DYM: variants seen among roughly 807,000 people sequenced by gnomAD.
DYM encodes the protein dyggve-Melchior-Clausen syndrome protein.
A neutral mutation model predicts 93.1 loss-of-function variants in DYM; 78 were observed. The ratio of observed to expected loss-of-function variants is 0.84; its 90% confidence interval spans 0.70 to 1.01. The LOEUF (loss-of-function observed/expected upper bound fraction) is 1.01, where lower values mean the gene tolerates loss of function less well. Ranked by LOEUF, DYM falls within the 50% of genes least tolerant of loss-of-function variation. The probability of loss-of-function intolerance (pLI) is 0.00; values close to 1 mark genes in which losing one functional copy is unlikely to be tolerated. For missense variants in DYM, 789 were observed against 845.0 expected (o/e 0.93, Z 0.82); for synonymous variants, 321 against 319.7 (o/e 1.00, Z -0.04).
intron 13 of DYM, among the ~76,000 whole-genome samples, chr18:49,238,190 T>C (rs545914018): frequency 1.3e-5 from 2 of 152,242 alleles, no homozygotes; most frequent in South Asian, 2.1e-4. Flanking sequence ...ACCTGGAAAA[T>C]GGATTTTTCT....
chr18:49,079,862 C>T (rs572976324), intron 17 of DYM, among the ~76,000 whole-genome samples: 4 of 151,564 alleles, frequency 2.6e-5, no homozygotes, highest in Admixed American at 2.6e-4. Context: ...CCTTCCCCCC[C>T]TTTCTATTCC....
In DYM at chr18:49,043,720, T is replaced by C; in HGVS notation, c.*335A>G. The C allele has an allele frequency of 2.8e-6, 1 of 355,098 alleles. No homozygotes were observed. The highest frequency in any genetic ancestry group is 2.1e-5 in the African/African-American group (1 of 47,860). 22.0% of individuals were successfully genotyped at this position (355,098 alleles called of 1,614,324 possible). On this transcript the variant is annotated 3_prime_UTR_variant, in exon 18 of 18. Transcript: ENST00000675505. ...GAATAGTGTGCACTGTTGGATAGTGTGCACTGTTGAAGTGTGATGTGCCTA... is the reference window on the plus strand; with the variant it reads ...GAATAGTGTGCACTGTTGGATAGTGCGCACTGTTGAAGTGTGATGTGCCTA...
In DYM at chr18:49,457,618, A is replaced by G. The variant is rs2083105138; in HGVS notation, c.-54+2780T>C. Reference sequence around the variant, plus strand: ...TGTACAGCAGCAAAAGAAATCACCTACTTTCTTAAGTCTCGGCAAAATATT... The same window carrying G: ...TGTACAGCAGCAAAAGAAATCACCTGCTTTCTTAAGTCTCGGCAAAATATT... On this transcript the variant is annotated intron_variant, in intron 1 of 17. Transcript: ENST00000675505. Among the ~76,000 whole-genome samples the G allele has an allele frequency of 3.3e-5, 5 of 152,326 alleles. No homozygotes were observed. The South Asian group carries it at 8.3e-4, about 25-fold the overall frequency.
chr18:49,341,071 TCTG>T, intron 6 of DYM, among the ~76,000 whole-genome samples: 1 of 152,334 alleles, frequency 6.6e-6, no homozygotes, highest in South Asian at 2.1e-4. Flanking sequence ...TTGCAGCACT[TCTG>T]CTAACTGAAC....
intron 15 of DYM, among the ~76,000 whole-genome samples, chr18:49,146,839 A>G (rs2085204540): frequency 6.6e-6 from 1 of 152,216 alleles, no homozygotes; most frequent in African/African-American, 2.4e-5. Flanking sequence ...GAATTGGAAA[A>G]AACTACTTTA....
chr18:49,402,520 C>T (rs1388968117), intron 2 of DYM, among the ~76,000 whole-genome samples: 1 of 152,168 alleles, frequency 6.6e-6, no homozygotes, highest in East Asian at 1.9e-4. Context: ...ATATAATTAA[C>T]CACTGCTGCC....
intron 3 of DYM, among the ~76,000 whole-genome samples, chr18:49,390,332 A>C (rs1363310263): frequency 6.6e-6 from 1 of 152,062 alleles, no homozygotes; most frequent in Non-Finnish European, 1.5e-5. Flanking sequence ...GAGGAGGCTG[A>C]GGTGGAAGGA....
At chr18:49,435,686 G>T (rs531690377) in intron 1 of DYM, among the ~76,000 whole-genome samples, 9 of 152,230 alleles carry the variant, frequency 5.9e-5, no homozygotes, top group African/African-American at 1.9e-4. Context: ...CTACTCAGGA[G>T]ATTGACGCAG....
At chr18:49,450,083 T>C (rs1223388249) in intron 1 of DYM, among the ~76,000 whole-genome samples, 2 of 152,202 alleles carry the variant, frequency 1.3e-5, no homozygotes, top group Non-Finnish European at 2.9e-5. Context: ...TTATCTTAAA[T>C]TTAATAAGAC....
chr18:49,089,857 T>C (rs1000130150), intron 17 of DYM, among the ~76,000 whole-genome samples: 8 of 152,204 alleles, frequency 5.3e-5, no homozygotes, highest in African/African-American at 1.2e-4. Flanking sequence ...TTATGGGTGT[T>C]CTATTATGCC....
At chr18:49,317,646 C>CTCCTCTCCTCTCCT (rs750848541) in intron 8 of DYM, among the ~76,000 whole-genome samples, 12 of 36,604 alleles carry the variant, frequency 3.3e-4, no homozygotes, top group East Asian at 8.0e-4. Flanking sequence ...ATCCTCTCCT[C>CTCCTCTCCTCTCCT]TCCTTCCTTC....
rs1052318459 is a variant in DYM, at chr18:49,420,296, T to G, written c.140+9959A>C. On this transcript the variant is annotated intron_variant, in intron 2 of 17. Coordinates refer to ENST00000675505, the MANE Select transcript of DYM (RefSeq NM_001353214.3). ...GACTCTCCTGCTTCAGCCTCCCGAGTAGCTGGGATTACAGGCGCCCGCCAC... is the reference window on the plus strand; with the variant it reads ...GACTCTCCTGCTTCAGCCTCCCGAGGAGCTGGGATTACAGGCGCCCGCCAC... Among the ~76,000 whole-genome samples, 4 of 150,786 alleles carry G rather than the reference T, an allele frequency of 2.7e-5. No individual in the cohort carries two copies. In the East Asian group the frequency reaches 7.8e-4, roughly 29 times the overall value.
intron 13 of DYM, among the ~76,000 whole-genome samples, chr18:49,222,539 C>T (rs2093400938): frequency 6.6e-6 from 1 of 151,994 alleles, no homozygotes; most frequent in Non-Finnish European, 1.5e-5. Context: ...AAGGGATCTC[C>T]CAATGGCCAA....
chr18:49,318,383 G>A (rs974377051), intron 8 of DYM, among the ~76,000 whole-genome samples: 5 of 152,330 alleles, frequency 3.3e-5, no homozygotes, highest in Non-Finnish European at 7.4e-5. Context: ...ACTTTGGGAG[G>A]CCAAGGCAGG....
chr18:49,253,403 G>C (rs1004880300), intron 13 of DYM, among the ~76,000 whole-genome samples: 1 of 152,168 alleles, frequency 6.6e-6, no homozygotes, highest in African/African-American at 2.4e-5. Context: ...AGTAGGAAAT[G>C]AGTTTCCTCA....
intron 11 of DYM, among the ~76,000 whole-genome samples, chr18:49,261,267 C>G (rs139692073): frequency 1.3e-5 from 2 of 152,314 alleles, no homozygotes; most frequent in East Asian, 3.9e-4. Flanking sequence ...CACCCAGCAT[C>G]CCCCATTACA....
At chr18:49,278,605 G>A (rs1384407119) in intron 10 of DYM, among the ~76,000 whole-genome samples, 1 of 152,166 alleles carries the variant, frequency 6.6e-6, no homozygotes, top group Non-Finnish European at 1.5e-5. Context: ...AACCCAAGAA[G>A]AGACTATTGG....
intron 10 of DYM, among the ~76,000 whole-genome samples, chr18:49,276,649 T>C (rs868289751): frequency 6.6e-6 from 1 of 152,084 alleles, no homozygotes; most frequent in African/African-American, 2.4e-5. Context: ...AAAAAGAACA[T>C]AATGGCAAAG....
chr18:49,407,702 G>A (rs879533974), intron 2 of DYM, among the ~76,000 whole-genome samples: 3 of 152,118 alleles, frequency 2.0e-5, no homozygotes, highest in East Asian at 1.9e-4. Flanking sequence ...TACCTCCAAC[G>A]TTGGAGGTCA....
Sources: allele counts gnomAD v4.1 joint callset (sites outside exome capture counted in the v4.1 genomes callset), GRCh38; gene constraint gnomAD v4.1.1; transcripts MANE v1.5; gene names NCBI Gene and HGNC (gene_info 2026-07-23, HGNC 2026-07-21).